Variants in OOEP observed in about 807,000 individuals in gnomAD.
OOEP encodes oocyte expressed protein.
In OOEP, 16 loss-of-function variants were observed where a neutral mutation model predicts 13.7. The ratio of observed to expected loss-of-function variants is 1.16; its 90% CI spans 0.79 to 1.77. The LOEUF (loss-of-function observed/expected upper bound fraction) is 1.77. Among genes scored for constraint, OOEP ranks in the 40% most tolerant of loss-of-function variants. The probability of loss-of-function intolerance (pLI) is 0.00; values close to 1 mark genes in which losing one functional copy is unlikely to be tolerated. For synonymous variants in OOEP, 89 were observed against 77.1 expected, an observed-to-expected ratio of 1.15 and a Z score of -0.81; for missense variants, 195 against 193.1, an observed-to-expected ratio of 1.01 and a Z score of -0.06.
At chr6:73,372,515 G>C (rs150041892), upstream of OOEP, among the ~76,000 whole-genome samples, 1 of 152,046 alleles carries the variant, frequency 6.6e-6, no homozygotes, top group Admixed American at 6.6e-5. Context: ...AATCTGATTC[G>C]CAAGTGTTGG....
intron 2 of OOEP, among the ~76,000 whole-genome samples, chr6:73,392,699 T>C (rs1363229168): frequency 7.0e-6 from 1 of 142,934 alleles, no homozygotes; most frequent in Non-Finnish European, 1.5e-5. Context: ...TGGCACAATC[T>C]TGGCTCACTG....
intron 2 of OOEP, among the ~76,000 whole-genome samples, chr6:73,387,886 T>C (rs901610030): frequency 6.6e-5 from 10 of 152,356 alleles, no homozygotes; most frequent in African/African-American, 2.2e-4. Flanking sequence ...TTACTTATTC[T>C]GAGACAGGGT....
At chr6:73,382,574 T>G (rs1326235625) in intron 2 of OOEP, among the ~76,000 whole-genome samples, 2 of 151,946 alleles carry the variant, frequency 1.3e-5, no homozygotes, top group East Asian at 3.9e-4. Flanking sequence ...TTGTCCAGAC[T>G]GGTTTCAAAC....
chr6:73,394,627 G>T, intron 1 of OOEP: 1 of 311,846 alleles, frequency 3.2e-6, no homozygotes, highest in Non-Finnish European at 6.1e-6. Context: ...GGGGGGGTGG[G>T]GGGCGGGGCA....
Position 73,386,977 on chromosome 6 carries a change from GAAAAAAAAAAAAAA to G in OOEP, c.25+7355_25+7368del, listed in dbSNP as rs1169476638. On this transcript the variant is annotated intron_variant, in intron 2 of 3. Coordinates refer to the OOEP transcript ENST00000370363. ...GAGTTAAGGGCAAAATTCCATCTCA[GAAAAAAAAAAAAAA>G]AAAAAAAAAAAAGAACAGCAGAGCT... 1.6e-4 allele frequency among the ~76,000 whole-genome samples: 5 copies of G among 30,868 alleles called. No homozygotes were observed. In the East Asian group the frequency reaches 4.3e-3, roughly 27 times the overall value. 20.3% of individuals were successfully genotyped at this position (30,868 alleles called of 152,430 possible).
At chr6:73,380,499 A>C (rs1205178186) in intron 2 of OOEP, among the ~76,000 whole-genome samples, 1 of 152,226 alleles carries the variant, frequency 6.6e-6, no homozygotes, top group Non-Finnish European at 1.5e-5. Flanking sequence ...CGGCAGATCC[A>C]TACAATGAAA....
intron 2 of OOEP, among the ~76,000 whole-genome samples, chr6:73,392,302 GT>G (rs1199578304): frequency 6.6e-6 from 1 of 152,158 alleles, no homozygotes; most frequent in African/African-American, 2.4e-5. Context: ...TTTATTTAAT[GT>G]TTTTTTATCT....
chr6:73,377,410 T>C (rs186753767), intron 2 of OOEP, among the ~76,000 whole-genome samples: 1 of 130,738 alleles, frequency 7.6e-6, no homozygotes, highest in Admixed American at 8.9e-5. Context: ...CAGGAGTAGA[T>C]AAACAACCTG....
rs1321542843 is a variant in OOEP, at chr6:73,369,731, A to C, written c.62T>G (p.Leu21Arg). ...QRGKQTPAHS[L>R]EQLRRLPLPP... The stretch of plus-strand genomic sequence containing the variant: ...AAGTGGTAACCTACGCAGCTGCTCC[A>C]GGGAGTGGGCCGGAGTCTGTTTGCC... The change falls in exon 1 of 3, where the codon CTG (leucine) becomes CGG (arginine). Residue 21 changes from leucine to arginine, a missense_variant. Transcript: ENST00000370359. 1.7e-5 allele frequency: 27 copies of C among 1,613,918 alleles called. No individual in the cohort carries two copies. Among genetic ancestry groups the C allele is most frequent in the Non-Finnish European group, 2.1e-5 (25 of 1,179,894 alleles).
chr6:73,392,857 C>T (rs919419837), intron 2 of OOEP, among the ~76,000 whole-genome samples: 1 of 151,732 alleles, frequency 6.6e-6, no homozygotes, highest in Non-Finnish European at 1.5e-5. Context: ...GTCTCGATCT[C>T]TTGACCTTGT....
intron 2 of OOEP, among the ~76,000 whole-genome samples, chr6:73,376,898 C>T (rs1324122604): frequency 2.6e-5 from 4 of 152,154 alleles, no homozygotes; most frequent in Admixed American, 6.6e-5. Context: ...GTGATCCACC[C>T]GCTTTGGCCT....
chr6:73,394,416 A>G, exon 2 of OOEP: 1 of 712,684 alleles, frequency 1.4e-6, no homozygotes. Flanking sequence ...TGGGAGGCCG[A>G]GGCTGGAAGA....
chr6:73,373,964 G>A (rs928466632), upstream of OOEP, among the ~76,000 whole-genome samples: 2 of 152,010 alleles, frequency 1.3e-5, no homozygotes, highest in Non-Finnish European at 2.9e-5. Flanking sequence ...GCTGAGGCGG[G>A]AGGATCACTT....
At chr6:73,376,631 C>G (rs1769143677) in intron 2 of OOEP, among the ~76,000 whole-genome samples, 1 of 151,878 alleles carries the variant, frequency 6.6e-6, no homozygotes, top group South Asian at 2.1e-4. Context: ...CACCACCAAG[C>G]CTGGCTGATT....
upstream of OOEP, chr6:73,373,397 T>TACC: frequency 1.1e-6 from 1 of 883,526 alleles, no homozygotes; most frequent in South Asian, 1.5e-5. Context: ...CGATCTCAGC[T>TACC]CACTGGGTAG....
At chr6:73,382,636 T>A (rs1198378624) in intron 2 of OOEP, among the ~76,000 whole-genome samples, 3 of 151,834 alleles carry the variant, frequency 2.0e-5, no homozygotes, top group Non-Finnish European at 4.4e-5. Context: ...GTGAGGATTA[T>A]AGGCATGAGT....
intron 2 of OOEP, among the ~76,000 whole-genome samples, chr6:73,387,954 C>T (rs1453239705): frequency 1.3e-5 from 2 of 152,180 alleles, no homozygotes; most frequent in African/African-American, 4.8e-5. Flanking sequence ...CCTGCAACTT[C>T]CGCCTCCTGT....
At chr6:73,382,985 C>A (rs373174369) in intron 2 of OOEP, among the ~76,000 whole-genome samples, 1 of 150,972 alleles carries the variant, frequency 6.6e-6, no homozygotes, top group Non-Finnish European at 1.5e-5. Context: ...TACAGGCATG[C>A]GCCACCATGC....
intron 2 of OOEP, among the ~76,000 whole-genome samples, chr6:73,378,261 C>T (rs577433338): frequency 6.6e-6 from 1 of 151,848 alleles, no homozygotes; most frequent in Non-Finnish European, 1.5e-5. Flanking sequence ...TGCACCATGC[C>T]CAGCTAATGT....
Sources: allele counts gnomAD v4.1 joint callset (sites outside exome capture counted in the v4.1 genomes callset), GRCh38; gene constraint gnomAD v4.1.1; transcripts MANE v1.5; gene names NCBI Gene and HGNC (gene_info 2026-07-23, HGNC 2026-07-21).